Variants in H3-3A observed in about 807,000 individuals in gnomAD.
H3-3A encodes the protein H3.3 histone A, also known as histone H3.3.
For synonymous variants in H3-3A, 49 were observed against 61.4 expected (o/e 0.80, Z 0.95); for missense variants, 7 against 184.0 (o/e 0.04, Z 5.57).
intron 3 of H3-3A, among the ~76,000 whole-genome samples, chr1:226,067,521 CTGAGG>C (rs1229086706): frequency 5.9e-5 from 9 of 152,062 alleles, no homozygotes; most frequent in Non-Finnish European, 4.4e-5. Context: ...GGTAGATCAC[CTGAGG>C]TCAGGAGTTC....
chr1:226,062,545 G>A (rs1576198547), upstream of H3-3A: 1 of 149,462 alleles, frequency 6.7e-6, no homozygotes, highest in East Asian at 2.0e-4. Flanking sequence ...GGCGCGCGGG[G>A]GAGGGGCGAG....
At chr1:226,064,564 C>T in intron 2 of H3-3A, 85 bp downstream of exon 2, 1 of 1,195,604 alleles carries the variant, frequency 8.4e-7, no homozygotes, top group South Asian at 1.5e-5. Flanking sequence ...AACAGGAAAA[C>T]TTTTTGCTTT....
chr1:226,065,310 A>G (rs553178137), intron 2 of H3-3A, among the ~76,000 whole-genome samples: 9 of 152,156 alleles, frequency 5.9e-5, no homozygotes, highest in Non-Finnish European at 1.3e-4. Flanking sequence ...GGTGTAGGGA[A>G]GGAGAGTGGT....
chr1:226,064,517 CTT>C (rs755815078), intron 2 of H3-3A, 38 bp downstream of exon 2: 191 of 1,564,026 alleles, frequency 1.2e-4, no homozygotes, highest in Non-Finnish European at 1.6e-4. Flanking sequence ...CAAAGTCTCT[CTT>C]GTATGTATCC....
upstream of H3-3A, chr1:226,062,064 G>A (rs1258122383): frequency 6.6e-6 from 1 of 152,198 alleles, no homozygotes; most frequent in East Asian, 1.9e-4. Context: ...GGAGGCCGTC[G>A]GTCCGCCCCT....
intron 1 of H3-3A, 36 bp from the exon 2 acceptor site, chr1:226,064,293 T>TG: frequency 2.0e-6 from 3 of 1,513,408 alleles, no homozygotes; most frequent in Non-Finnish European, 2.7e-6. Context: ...GTTTGGTAGT[T>TG]GCATATGGTG....
At position 226,065,055 on chromosome 1, in the gene H3-3A, A is replaced by C. The variant is rs550151082; in HGVS notation, c.128+576A>C. ...ATTAACCTAAAATAAAAGCTCATAC[A>C]GTGGAAGAAATAAGTCAGAATGAGA... On this transcript the variant is annotated intron_variant, in intron 2 of 3. Coordinates refer to ENST00000366815, the MANE Select transcript of H3-3A (RefSeq NM_002107.7). Among the ~76,000 whole-genome samples, 6 of 152,360 alleles carry C rather than the reference A, an allele frequency of 3.9e-5. No individual in the cohort carries two copies. The South Asian group carries it at 1.0e-3, about 26-fold the overall frequency.
At chr1:226,065,535 A>T in intron 2 of H3-3A, 121 bp from the exon 3 acceptor site, 1 of 615,894 alleles carries the variant, frequency 1.6e-6, no homozygotes, top group East Asian at 2.8e-5. Flanking sequence ...TTGATACTGA[A>T]GCTGAAGAAT....
At chr1:226,064,044 AT>A in intron 1 of H3-3A, 1 of 216,966 alleles carries the variant, frequency 4.6e-6, no homozygotes, top group East Asian at 1.1e-4. Context: ...AATTAAATAA[AT>A]TGGATCAAAG....
chr1:226,071,637 T>TA lies in H3-3A; in HGVS notation c.*158_*159insA, dbSNP rs369284826. On this transcript the variant is annotated 3_prime_UTR_variant, in exon 4 of 4. Transcript: ENST00000366815. ...CGAGTGGAAAAATAGGGGACAGAAA[T>TA]CAGGTATTGGCAGTTTTTCCATTTT... 0.02 allele frequency: 8,202 copies of TA among 419,280 alleles called. 78 individuals are homozygous for TA. The highest frequency in any genetic ancestry group is 0.028 in the Middle Eastern group (47 of 1,658). The allele number at this position is 419,280 out of a possible 1,614,324, so 26.0% of individuals were successfully genotyped here.
intron 1 of H3-3A, among the ~76,000 whole-genome samples, chr1:226,063,167 G>T (rs1390744477): frequency 7.3e-6 from 1 of 137,112 alleles, no homozygotes; most frequent in Non-Finnish European, 1.6e-5. Context: ...TACCGCCCCC[G>T]GGCCCCAGCC....
In H3-3A at chr1:226,071,631, C is replaced by T. The variant is rs1658133001; in HGVS notation, c.*152C>T. On this transcript the variant is annotated 3_prime_UTR_variant, in exon 4 of 4. Coordinates refer to ENST00000366815, the MANE Select transcript of H3-3A (RefSeq NM_002107.7). ...TGATTGCGAGTGGAAAAATAGGGGA[C>T]AGAAATCAGGTATTGGCAGTTTTTC... 2.4e-6 allele frequency: 1 copy of T among 425,180 alleles called. No homozygotes were observed. Among genetic ancestry groups the T allele is most frequent in the Non-Finnish European group, 4.1e-6 (1 of 245,816 alleles). 26.3% of individuals were successfully genotyped at this position (425,180 alleles called of 1,614,324 possible).
At chr1:226,069,481 G>T (rs1204280595) in intron 3 of H3-3A, among the ~76,000 whole-genome samples, 1 of 152,196 alleles carries the variant, frequency 6.6e-6, no homozygotes, top group Non-Finnish European at 1.5e-5. Flanking sequence ...TCATGCTCCA[G>T]ATCCAAAACT....
intron 3 of H3-3A, 57 bp from the exon 4 acceptor site, chr1:226,071,294 G>A (rs1209198445): frequency 5.0e-6 from 7 of 1,401,292 alleles, no homozygotes; most frequent in Non-Finnish European, 6.0e-6. Context: ...TCGTATAGTT[G>A]GGTCTTAACT....
chr1:226,064,332 A>G lies in H3-3A; in HGVS notation c.-20A>G, dbSNP rs190693611. The stretch of plus-strand genomic sequence containing the variant: ...TTTGATTTTTCAATGCTGGTAGGTA[A>G]GTAAGGAGGTCTCTGTACCATGGCT... On this transcript the variant is annotated 5_prime_UTR_variant, in exon 2 of 4. Coordinates refer to ENST00000366815, the MANE Select transcript of H3-3A (RefSeq NM_002107.7). 66 of 1,604,896 alleles carry G rather than the reference A, an allele frequency of 4.1e-5. No individual in the cohort carries two copies. The African/African-American group carries it at 8.2e-4, about 20-fold the overall frequency.
intron 3 of H3-3A, among the ~76,000 whole-genome samples, chr1:226,068,489 CTG>C (rs1270261314): frequency 1.3e-5 from 2 of 152,186 alleles, no homozygotes; most frequent in African/African-American, 2.4e-5. Flanking sequence ...CAAAATTAAA[CTG>C]TTTTCTTTCC....
chr1:226,066,116 C>T, intron 3 of H3-3A: 3 of 471,060 alleles, frequency 6.4e-6, no homozygotes, highest in South Asian at 8.6e-5. Flanking sequence ...TTTATGGATG[C>T]TGCAGGACAT....
upstream of H3-3A, chr1:226,062,690 T>C (rs886202317): frequency 2.6e-5 from 4 of 153,134 alleles, no homozygotes; most frequent in Non-Finnish European, 5.8e-5. Context: ...CGGCGTGTGT[T>C]GGGGGATAGC....
At chr1:226,068,507 T>C (rs144258747) in intron 3 of H3-3A, among the ~76,000 whole-genome samples, 11 of 152,196 alleles carry the variant, frequency 7.2e-5, no homozygotes, top group South Asian at 2.1e-4. Context: ...TTTCCTGATA[T>C]AATAGCTGAT....
Sources: allele counts gnomAD v4.1 joint callset (sites outside exome capture counted in the v4.1 genomes callset), GRCh38; gene constraint gnomAD v4.1.1; transcripts MANE v1.5; gene names NCBI Gene and HGNC (gene_info 2026-07-23, HGNC 2026-07-21).